The following JADE3 variants were observed in gnomAD, a reference collection of about 807,000 sequenced individuals.
JADE3 encodes protein Jade-3.
A neutral mutation model predicts 50.1 loss-of-function variants in JADE3; 2 were observed. That is an observed-to-expected ratio of 0.04 (90% CI 0.02 to 0.13). The LOEUF (loss-of-function observed/expected upper bound fraction) is 0.13, where lower values mean the gene tolerates loss of function less well. Ranked by LOEUF, JADE3 falls within the 10% of genes least tolerant of loss-of-function variation. JADE3 has a pLI of 1.00. For synonymous variants in JADE3, 218 were observed against 232.9 expected (o/e 0.94, Z 0.58); for missense variants, 475 against 634.4 (o/e 0.75, Z 2.70).
chrX:47,016,041 ACT>A (rs1413354542), intron 4 of JADE3, among the ~76,000 whole-genome samples: 25 of 109,677 alleles, frequency 2.3e-4, no homozygotes, highest in African/African-American at 7.6e-4. Context: ...TCTCTTTTCT[ACT>A]CTCTAACTTC....
intron 4 of JADE3, among the ~76,000 whole-genome samples, chrX:47,011,243 G>A (rs898857605): frequency 1.8e-5 from 2 of 112,403 alleles, no homozygotes; most frequent in African/African-American, 6.5e-5. Context: ...ATCATACAAT[G>A]TATGGCATTT....
At chrX:46,994,155 C>A (rs1482874786) in intron 3 of JADE3, among the ~76,000 whole-genome samples, 2 of 112,259 alleles carry the variant, frequency 1.8e-5, no homozygotes, top group African/African-American at 3.2e-5. Context: ...AAAAAACTGC[C>A]AACTGAGAGA....
intron 4 of JADE3, among the ~76,000 whole-genome samples, chrX:46,999,450 T>A (rs1556358366): frequency 1.9e-4 from 20 of 103,493 alleles, no homozygotes; most frequent in South Asian, 8.2e-4. Flanking sequence ...TATATATATA[T>A]AACATATATA....
chrX:46,971,774 C>T (rs6609450), intron 1 of JADE3, among the ~76,000 whole-genome samples: 14 of 101,152 alleles, frequency 1.4e-4, no homozygotes, highest in Non-Finnish European at 2.6e-4. Context: ...CCAGCCTGGG[C>T]GACAGAGCGA....
At position 47,058,938 on chromosome X, in the gene JADE3, C is replaced by T. The variant is rs782571282; in HGVS notation, c.2333C>T (p.Ala778Val). 1.8e-5 allele frequency: 22 copies of T among 1,208,934 alleles called. No homozygotes were observed. The African/African-American group carries it at 3.0e-4, about 16-fold the overall frequency. Residue 778 changes from alanine to valine, a missense_variant, in exon 11 of 11, where the codon GCA (alanine) becomes GTA (valine). Transcript: ENST00000614628. Reference protein sequence around the residue: ...CPDLELSDSEAESDGNKEKVR... With the variant: ...CPDLELSDSEVESDGNKEKVR... ...GATTTGGAGCTGAGTGATTCAGAGGCAGAAAGTGATGGGAATAAAGAAAAA... is the reference window on the plus strand; with the variant it reads ...GATTTGGAGCTGAGTGATTCAGAGGTAGAAAGTGATGGGAATAAAGAAAAA...
chrX:47,040,356 C>T (rs1383681627), intron 8 of JADE3, among the ~76,000 whole-genome samples: 3 of 111,742 alleles, frequency 2.7e-5, no homozygotes, highest in South Asian at 3.7e-4. Context: ...ACTTGAACTC[C>T]GCCTCCTGTC....
At chrX:47,014,158 T>C (rs1157963792) in intron 4 of JADE3, among the ~76,000 whole-genome samples, 1 of 112,478 alleles carries the variant, frequency 8.9e-6, no homozygotes, top group Admixed American at 9.4e-5. Context: ...GTAGCTGATC[T>C]GGCTGTAACC....
At chrX:46,966,779 A>C (rs1927378032) in intron 1 of JADE3, among the ~76,000 whole-genome samples, 1 of 111,762 alleles carries the variant, frequency 8.9e-6, no homozygotes, top group Admixed American at 9.6e-5. Context: ...GAGAAAAATG[A>C]AGTAGGGTCA....
At chrX:47,012,623 T>G (rs907503057) in intron 4 of JADE3, among the ~76,000 whole-genome samples, 18 of 102,627 alleles carry the variant, frequency 1.8e-4, no homozygotes, top group Middle Eastern at 5.1e-3. Flanking sequence ...AGTTTATCTG[T>G]TTTTTTTTTT....
chrX:47,043,406 T>C (rs1262005132), intron 8 of JADE3, among the ~76,000 whole-genome samples: 5 of 112,386 alleles, frequency 4.4e-5, no homozygotes, highest in African/African-American at 1.6e-4. Context: ...GAGAGACAGA[T>C]ATATAACCTT....
intron 1 of JADE3, among the ~76,000 whole-genome samples, chrX:46,981,207 C>T (rs782689052): frequency 8.9e-6 from 1 of 111,925 alleles, no homozygotes; most frequent in African/African-American, 3.2e-5. Context: ...AGTTTTAAGC[C>T]ACTGAGTTTG....
chrX:46,934,792 G>A (rs1367053460), intron 1 of JADE3, among the ~76,000 whole-genome samples: 3 of 111,941 alleles, frequency 2.7e-5, no homozygotes, highest in Admixed American at 1.9e-4. Flanking sequence ...TTACATTTAT[G>A]TCTATTTTGA....
intron 6 of JADE3, among the ~76,000 whole-genome samples, chrX:47,030,008 CT>C (rs1448996570): frequency 9.0e-6 from 1 of 111,112 alleles, no homozygotes; most frequent in Non-Finnish European, 1.9e-5. Flanking sequence ...TGTTAGAGAA[CT>C]ATTAATGTGT....
chrX:46,999,638 A>AT (rs1556358517), intron 4 of JADE3, among the ~76,000 whole-genome samples: 1 of 109,465 alleles, frequency 9.1e-6, no homozygotes, highest in East Asian at 2.8e-4. Context: ...CTCTAAGCAC[A>AT]TGGCCTTCAT....
In JADE3 at chrX:46,974,654, A is replaced by G. The variant is rs147625934; in HGVS notation, c.-11-10230A>G. 2.6e-3 allele frequency among the ~76,000 whole-genome samples: 294 copies of G among 112,106 alleles called. 1 individual carries two copies. Among genetic ancestry groups the G allele is most frequent in the African/African-American group, 8.9e-3 (276 of 30,911 alleles). ...CTCAGTCCTTCTTGAACTTGTTTAC[A>G]TTTTCATTTTGTTTCACTTCTTGAA... On this transcript the variant is annotated intron_variant, in intron 1 of 10. Transcript: ENST00000614628.
chrX:46,949,579 GA>G (rs1165390250), intron 1 of JADE3, among the ~76,000 whole-genome samples: 2 of 111,325 alleles, frequency 1.8e-5, no homozygotes, highest in Non-Finnish European at 3.8e-5. Context: ...CTCTTTTATT[GA>G]GGCATAATTT....
At chrX:46,914,577 A>T (rs1345044838) in intron 1 of JADE3, among the ~76,000 whole-genome samples, 1 of 112,000 alleles carries the variant, frequency 8.9e-6, no homozygotes, top group Non-Finnish European at 1.9e-5. Flanking sequence ...GCGTGTATTC[A>T]ACTTTCAATC....
chrX:47,007,271 A>G (rs1928449307), intron 4 of JADE3, among the ~76,000 whole-genome samples: 1 of 112,081 alleles, frequency 8.9e-6, no homozygotes, highest in Non-Finnish European at 1.9e-5. Flanking sequence ...AGAGTATTCC[A>G]TAAATGTCAA....
chrX:47,045,022 G>A (rs1184907322), intron 8 of JADE3, among the ~76,000 whole-genome samples: 1 of 111,183 alleles, frequency 9.0e-6, no homozygotes, highest in African/African-American at 3.3e-5. Context: ...AAAGAAGGAA[G>A]GAAGAAAAGA....
Sources: gnomAD v4.1 joint callset for allele counts (sites outside exome capture counted in the v4.1 genomes callset) on GRCh38, gnomAD v4.1.1 for gene constraint, MANE v1.5 for transcripts, NCBI Gene and HGNC (gene_info 2026-07-23, HGNC 2026-07-21) for gene names.